MSI2: variants seen among roughly 807,000 people sequenced by gnomAD.
MSI2 encodes musashi RNA binding protein 2.
In MSI2, 17 loss-of-function variants were observed where a neutral mutation model predicts 45.6. That is an observed-to-expected ratio of 0.37 (90% CI 0.26 to 0.56). The LOEUF (loss-of-function observed/expected upper bound fraction) is 0.56, where lower values mean the gene tolerates loss of function less well. Among genes scored for constraint, MSI2 ranks in the 20% least tolerant of loss-of-function variants. MSI2 has a pLI of 0.77. For missense variants in MSI2, 293 were observed against 444.2 expected (o/e 0.66, Z 3.06); for synonymous variants, 156 against 158.2 (o/e 0.99, Z 0.11).
In MSI2 at chr17:57,288,983, C is replaced by T. The variant is rs76764635; in HGVS notation, c.312+26791C>T. Among the ~76,000 whole-genome samples the T allele has an allele frequency of 9.7e-3, 1,475 of 152,254 alleles. 26 individuals are homozygous for T. Among genetic ancestry groups the T allele is most frequent in the African/African-American group, 0.034 (1,401 of 41,544 alleles). ...CGTGTCTCCTGGGGGACACAGTCAC[C>T]CTTAGATGAGAGTCATTGGTCTAGC... On this transcript the variant is annotated intron_variant, in intron 5 of 13. Coordinates refer to ENST00000284073, the MANE Select transcript of MSI2 (RefSeq NM_138962.4).
At chr17:57,515,202 A>G (rs931533887) in intron 6 of MSI2, among the ~76,000 whole-genome samples, 1 of 152,038 alleles carries the variant, frequency 6.6e-6, no homozygotes, top group Non-Finnish European at 1.5e-5. Context: ...ATCTGAGTCT[A>G]TTTTGTTTTG....
intron 10 of MSI2, among the ~76,000 whole-genome samples, chr17:57,642,577 C>G (rs537517043): frequency 3.9e-5 from 6 of 152,212 alleles, no homozygotes; most frequent in Non-Finnish European, 8.8e-5. Flanking sequence ...AGCCAGTTGT[C>G]TCTCCTTGGG....
chr17:57,314,628 G>T (rs1014703003), intron 5 of MSI2, among the ~76,000 whole-genome samples: 6 of 144,800 alleles, frequency 4.1e-5, no homozygotes, highest in Non-Finnish European at 8.9e-5. Context: ...CTGGAGTGCA[G>T]TGGCGCGATC....
intron 7 of MSI2, among the ~76,000 whole-genome samples, chr17:57,550,348 C>T (rs777735277): frequency 4.6e-5 from 7 of 152,104 alleles, no homozygotes; most frequent in Non-Finnish European, 7.4e-5. Context: ...CGGACACCCC[C>T]GTTTGGGACT....
chr17:57,548,898 T>TCCCCCCCCCCCCC (rs758120237), intron 7 of MSI2, among the ~76,000 whole-genome samples: 57 of 121,332 alleles, frequency 4.7e-4, no homozygotes, highest in Non-Finnish European at 6.0e-4. Context: ...TGTTTACCCT[T>TCCCCCCCCCCCCC]CCCCCCCCCA....
intron 6 of MSI2, chr17:57,450,281 A>C (rs796956659): frequency 8.7e-6 from 1 of 115,494 alleles, no homozygotes; most frequent in Non-Finnish European, 2.0e-5. Flanking sequence ...GAAAGAAAGA[A>C]AGAAAGAAAG....
chr17:57,637,976 C>T (rs1909965728), intron 10 of MSI2, among the ~76,000 whole-genome samples: 1 of 152,254 alleles, frequency 6.6e-6, no homozygotes, highest in Non-Finnish European at 1.5e-5. Context: ...CTAGCAGGAA[C>T]TTAATCACCT....
chr17:57,542,416 C>G (rs570604266), intron 7 of MSI2, among the ~76,000 whole-genome samples: 9 of 152,190 alleles, frequency 5.9e-5, no homozygotes, highest in Non-Finnish European at 1.5e-5. Flanking sequence ...GAAAGTCTGG[C>G]TGAGATAATT....
At chr17:57,467,424 T>C (rs1284436807) in intron 6 of MSI2, among the ~76,000 whole-genome samples, 1 of 152,032 alleles carries the variant, frequency 6.6e-6, no homozygotes, top group African/African-American at 2.4e-5. Flanking sequence ...GATGTGTAGA[T>C]AGACGAATGA....
At chr17:57,396,056 G>T (rs1395183833) in intron 5 of MSI2, among the ~76,000 whole-genome samples, 2 of 152,198 alleles carry the variant, frequency 1.3e-5, no homozygotes. Flanking sequence ...ACAAGCCTGT[G>T]TTCTTGGGGA....
chr17:57,410,565 A>C (rs1219646222), intron 6 of MSI2, among the ~76,000 whole-genome samples: 2 of 147,990 alleles, frequency 1.4e-5, no homozygotes, highest in Non-Finnish European at 3.0e-5. Flanking sequence ...TCTTGTAGTT[A>C]AAGAGCAAAA....
chr17:57,519,623 G>A (rs1256831850), intron 6 of MSI2, among the ~76,000 whole-genome samples: 1 of 152,078 alleles, frequency 6.6e-6, no homozygotes, highest in Non-Finnish European at 1.5e-5. Flanking sequence ...CCTCTCCCGA[G>A]CCTACCGGGG....
intron 7 of MSI2, among the ~76,000 whole-genome samples, chr17:57,547,440 G>A (rs1420313884): frequency 2.0e-5 from 3 of 152,140 alleles, no homozygotes; most frequent in Non-Finnish European, 4.4e-5. Flanking sequence ...AGCTGATGGC[G>A]TCTTGGGTGA....
chr17:57,672,448 G>A (rs1178628433), intron 11 of MSI2, among the ~76,000 whole-genome samples: 1 of 152,190 alleles, frequency 6.6e-6, no homozygotes, highest in Non-Finnish European at 1.5e-5. Flanking sequence ...TTTCTGAACA[G>A]CACCCTTCTG....
intron 5 of MSI2, among the ~76,000 whole-genome samples, chr17:57,341,397 TG>T (rs1325810538): frequency 6.6e-6 from 1 of 152,156 alleles, no homozygotes; most frequent in African/African-American, 2.4e-5. Context: ...GTAACTAAAG[TG>T]GGGAAAAACC....
chr17:57,547,347 G>A (rs957409716), intron 7 of MSI2, among the ~76,000 whole-genome samples: 1 of 152,206 alleles, frequency 6.6e-6, no homozygotes, highest in African/African-American at 2.4e-5. Flanking sequence ...AGATCCCAGT[G>A]GCTCCCTGAA....
chr17:57,699,685 T>G, the MSI2 span, among the ~76,000 whole-genome samples: 2 of 152,200 alleles, frequency 1.3e-5, no homozygotes, highest in African/African-American at 4.8e-5. Flanking sequence ...GTTGGGCAAG[T>G]CAAAAGCAAT....
At chr17:57,537,803 G>A (rs1375149866) in intron 7 of MSI2, among the ~76,000 whole-genome samples, 2 of 152,222 alleles carry the variant, frequency 1.3e-5, no homozygotes, top group East Asian at 1.9e-4. Flanking sequence ...AGGGCTGGGG[G>A]ACAGGGTGCC....
intron 5 of MSI2, chr17:57,279,617 G>A (rs1284252430): frequency 6.6e-6 from 1 of 152,110 alleles, no homozygotes; most frequent in Non-Finnish European, 1.5e-5. Flanking sequence ...ACAACTTATT[G>A]CATGATTCAC....
Sources: allele counts gnomAD v4.1 joint callset (sites outside exome capture counted in the v4.1 genomes callset), GRCh38; gene constraint gnomAD v4.1.1; transcripts MANE v1.5; gene names NCBI Gene and HGNC (gene_info 2026-07-23, HGNC 2026-07-21).